The following MCCC2 variants were observed in gnomAD, a reference collection of about 807,000 sequenced individuals.
MCCC2 encodes the protein methylcrotonyl-CoA carboxylase subunit 2.
MCCC2 carries 52 observed loss-of-function variants against 77.2 expected under a neutral mutation model. That is an observed-to-expected ratio of 0.67 (90% CI 0.54 to 0.85). The LOEUF is 0.85. MCCC2 is among the 40% of genes least tolerant of loss of function. The pLI, the probability that MCCC2 is intolerant of heterozygous loss-of-function variation, is 0.00. For synonymous variants in MCCC2, 253 were observed against 248.4 expected (o/e 1.02, Z -0.18); for missense variants, 682 against 703.2 (o/e 0.97, Z 0.34).
chr5:71,631,895 G>A (rs1411424759), intron 7 of MCCC2, among the ~76,000 whole-genome samples: 1 of 152,098 alleles, frequency 6.6e-6, no homozygotes, highest in Admixed American at 6.6e-5. Context: ...GCTTGCTATG[G>A]ACTGTAAGCA....
At chr5:71,615,780 C>T (rs1413518258) in intron 6 of MCCC2, among the ~76,000 whole-genome samples, 1 of 152,114 alleles carries the variant, frequency 6.6e-6, no homozygotes, top group Non-Finnish European at 1.5e-5. Context: ...CTAGAAGAAT[C>T]TTTTGTTCTA....
chr5:71,630,384 T>C (rs2112422297), intron 7 of MCCC2, among the ~76,000 whole-genome samples: 1 of 152,350 alleles, frequency 6.6e-6, no homozygotes, highest in Admixed American at 6.5e-5. Flanking sequence ...TGAGCTGTTT[T>C]AATTTTCTCT....
At chr5:71,599,849 A>G in intron 4 of MCCC2, 89 bp downstream of exon 4, 1 of 1,024,998 alleles carries the variant, frequency 9.8e-7, no homozygotes, top group Admixed American at 1.8e-5. Flanking sequence ...GCATATTAGC[A>G]TGCGATTTGT....
intron 2 of MCCC2, among the ~76,000 whole-genome samples, chr5:71,595,654 G>T (rs1273010011): frequency 6.6e-6 from 1 of 152,048 alleles, no homozygotes; most frequent in Non-Finnish European, 1.5e-5. Context: ...GCCGAGAGTG[G>T]GTTATAGATA....
At chr5:71,604,213 C>T (rs1745572398) in intron 5 of MCCC2, 143 bp from the exon 6 acceptor site, 8 of 707,626 alleles carry the variant, frequency 1.1e-5, no homozygotes, top group Non-Finnish European at 1.5e-5. Flanking sequence ...GTTTGGAGAA[C>T]GAGGCTCTAT....
At chr5:71,641,132 ATC>A in intron 11 of MCCC2, 57 bp downstream of exon 11, 1 of 1,500,218 alleles carries the variant, frequency 6.7e-7, no homozygotes, top group Non-Finnish European at 9.3e-7. Flanking sequence ...AAAATCAGGA[ATC>A]TCTTGTTTCA....
chr5:71,631,722 A>G (rs1746721566), intron 7 of MCCC2, among the ~76,000 whole-genome samples: 1 of 151,810 alleles, frequency 6.6e-6, no homozygotes, highest in African/African-American at 2.4e-5. Flanking sequence ...TTGTATTTTT[A>G]GTAGAGACGG....
At chr5:71,624,386 C>CT (rs1040103128) in intron 6 of MCCC2, among the ~76,000 whole-genome samples, 3 of 151,154 alleles carry the variant, frequency 2.0e-5, no homozygotes, top group Non-Finnish European at 4.4e-5. Context: ...TTTTCTTTTT[C>CT]TTTTTTTTTG....
intron 6 of MCCC2, among the ~76,000 whole-genome samples, chr5:71,622,132 C>T (rs1346284870): frequency 1.3e-5 from 2 of 152,094 alleles, no homozygotes; most frequent in South Asian, 2.1e-4. Context: ...CTTTCAGTGT[C>T]CTCTTAGTGG....
At chr5:71,601,289 G>GACTTC (rs1745419893) in intron 4 of MCCC2, among the ~76,000 whole-genome samples, 2 of 152,130 alleles carry the variant, frequency 1.3e-5, no homozygotes, top group Non-Finnish European at 2.9e-5. Context: ...AACTTTGTCT[G>GACTTC]ACTTCACAGC....
chr5:71,587,510 G>A lies in MCCC2; in HGVS notation c.85G>A (p.Ala29Thr). 2 of 1,538,108 alleles carry A rather than the reference G, an allele frequency of 1.3e-6. No individual in the cohort carries two copies. The highest frequency in any genetic ancestry group is 4.9e-5 in the East Asian group (2 of 41,066). ...GCGCGCCTATCACGGGGACTCGGTG[G>A]CCTCGCTGGGCACCCAGCCGGACTT... ...GPRAYHGDSVASLGTQPDLGS... is the reference protein window; with the variant it reads ...GPRAYHGDSVTSLGTQPDLGS... The change falls in exon 1 of 17, where the codon GCC becomes ACC. Residue 29 changes from alanine (A) to threonine (T), a missense_variant. Transcript: ENST00000340941.
At chr5:71,606,512 C>A (rs563081729) in intron 6 of MCCC2, among the ~76,000 whole-genome samples, 6 of 139,892 alleles carry the variant, frequency 4.3e-5, no homozygotes, top group African/African-American at 1.1e-4. Context: ...ACAATCATGT[C>A]GTCTGCAAAC....
intron 6 of MCCC2, among the ~76,000 whole-genome samples, chr5:71,610,963 C>A (rs895232217): frequency 6.6e-6 from 1 of 151,404 alleles, no homozygotes; most frequent in Admixed American, 6.6e-5. Context: ...TCCAGCCTGG[C>A]GACGAAGTGA....
chr5:71,646,637 A>G (rs772661203), intron 13 of MCCC2, among the ~76,000 whole-genome samples: 4 of 152,174 alleles, frequency 2.6e-5, no homozygotes, highest in Admixed American at 6.5e-5. Context: ...AAGTGCTGAT[A>G]CTACAGACAT....
At chr5:71,650,354 A>G (rs1279815949) in intron 15 of MCCC2, among the ~76,000 whole-genome samples, 171 bp downstream of exon 15, 1 of 152,226 alleles carries the variant, frequency 6.6e-6, no homozygotes, top group Non-Finnish European at 1.5e-5. Context: ...AGCAAATCAC[A>G]TGATTTCTGT....
intron 15 of MCCC2, among the ~76,000 whole-genome samples, chr5:71,650,706 T>C (rs1288411490): frequency 1.3e-5 from 2 of 152,160 alleles, no homozygotes; most frequent in Non-Finnish European, 2.9e-5. Context: ...TGGTGTGCAG[T>C]GGCACGATCT....
At chr5:71,617,054 C>T (rs1746177772) in intron 6 of MCCC2, among the ~76,000 whole-genome samples, 1 of 152,154 alleles carries the variant, frequency 6.6e-6, no homozygotes. Context: ...AAACAAAGCT[C>T]ATACTTCTTA....
At chr5:71,628,069 C>T (rs942365100) in intron 7 of MCCC2, among the ~76,000 whole-genome samples, 3 of 152,148 alleles carry the variant, frequency 2.0e-5, no homozygotes, top group Non-Finnish European at 2.9e-5. Flanking sequence ...GTTTTGAACT[C>T]CTGACCTCAG....
At chr5:71,652,478 G>C (rs956049917) in intron 15 of MCCC2, among the ~76,000 whole-genome samples, 191 bp from the exon 16 acceptor site, 39 of 152,186 alleles carry the variant, frequency 2.6e-4, no homozygotes, top group African/African-American at 9.2e-4. Flanking sequence ...GGAGAGATGG[G>C]ATGGGGCACT....
Sources: gnomAD v4.1 joint callset for allele counts (sites outside exome capture counted in the v4.1 genomes callset) on GRCh38, gnomAD v4.1.1 for gene constraint, MANE v1.5 for transcripts, NCBI Gene and HGNC (gene_info 2026-07-23, HGNC 2026-07-21) for gene names.